The following STAP1 variants were observed in gnomAD, a reference collection of about 807,000 sequenced individuals.
The protein encoded by STAP1 is signal-transducing adaptor protein 1.
STAP1 carries 30 observed loss-of-function variants against 37.8 expected under a neutral mutation model. The ratio of observed to expected loss-of-function variants is 0.79; its 90% CI spans 0.59 to 1.08. STAP1 has a LOEUF of 1.08. Among genes scored for constraint, STAP1 ranks in the 50% least tolerant of loss-of-function variants. The pLI, the probability that STAP1 is intolerant of heterozygous loss-of-function variation, is 0.00. For synonymous variants in STAP1, 130 were observed against 116.0 expected, an observed-to-expected ratio of 1.12 and a Z score of -0.78; for missense variants, 357 against 349.4, an observed-to-expected ratio of 1.02 and a Z score of -0.17.
intron 8 of STAP1, among the ~76,000 whole-genome samples, chr4:67,603,505 C>A (rs1165636686): frequency 1.3e-5 from 2 of 152,144 alleles, no homozygotes; most frequent in Non-Finnish European, 2.9e-5. Context: ...GCCAGCACAG[C>A]TCTGGGTCTC....
rs142597023 is a variant in STAP1, at chr4:67,589,575, T to C, written c.660-1309T>C. Among the ~76,000 whole-genome samples the C allele has an allele frequency of 5.0e-3, 768 of 152,344 alleles. 7 individuals carry two copies. The highest frequency in any genetic ancestry group is 0.018 in the African/African-American group (749 of 41,584). On this transcript the variant is annotated intron_variant, in intron 6 of 8. Transcript: ENST00000265404. ...ACACTTTTGTTTTAGACAGCTTCTG[T>C]ACATAGGACAAATGCTTAATTAGTG...
Position 67,606,279 on chromosome 4 carries a change from C to T in STAP1, c.827-17C>T. 6.3e-7 allele frequency: 1 copy of T among 1,597,238 alleles called. No individual in the cohort carries two copies. On this transcript the variant is annotated splice_polypyrimidine_tract_variant and intron_variant, in intron 8 of 8. Coordinates refer to ENST00000265404, the MANE Select transcript of STAP1 (RefSeq NM_012108.4). ...ATATTGGTTCGCTAATTAAGTTTTT[C>T]TACCCACAATTTCTAGGTCAAGAAC... is the stretch of plus-strand genomic sequence containing the variant.
Position 67,582,893 on chromosome 4 carries a change from G to GTCC in STAP1, c.531-680_531-679insCCT, listed in dbSNP as rs1396114550. On this transcript the variant is annotated intron_variant, in intron 5 of 8. Coordinates refer to ENST00000265404, the MANE Select transcript of STAP1 (RefSeq NM_012108.4). ...TGATTTTGCTCATCAATAGGCTAAT[G>GTCC]TAAGTGTTCTAAGCATTTTTAAGGT... Among the ~76,000 whole-genome samples, 3 of 152,250 alleles carry GTCC rather than the reference G, an allele frequency of 2.0e-5. No individual in the cohort carries two copies. The East Asian group carries it at 5.8e-4, about 29-fold the overall frequency.
intron 8 of STAP1, among the ~76,000 whole-genome samples, chr4:67,600,093 GTTGT>G (rs1728308655): frequency 1.3e-5 from 2 of 151,882 alleles, no homozygotes; most frequent in Non-Finnish European, 2.9e-5. Flanking sequence ...GCATCATTAG[GTTGT>G]TTATTTGAAA....
chr4:67,601,680 G>T (rs1191986730), intron 8 of STAP1, among the ~76,000 whole-genome samples: 2 of 152,088 alleles, frequency 1.3e-5, no homozygotes, highest in Non-Finnish European at 2.9e-5. Flanking sequence ...ATGCTCCCCT[G>T]GCCTGTAAGG....
At chr4:67,559,380 T>C (rs1727283438) in intron 1 of STAP1, among the ~76,000 whole-genome samples, 1 of 152,114 alleles carries the variant, frequency 6.6e-6, no homozygotes. Flanking sequence ...GATCAAATTA[T>C]TAAAAATGGC....
intron 6 of STAP1, among the ~76,000 whole-genome samples, chr4:67,585,113 A>C (rs1578030939): frequency 6.6e-6 from 1 of 152,240 alleles, no homozygotes; most frequent in Non-Finnish European, 1.5e-5. Flanking sequence ...AACTGATAAT[A>C]TAATTTAAAT....
chr4:67,588,576 A>AT (rs974199966), intron 6 of STAP1, among the ~76,000 whole-genome samples: 78 of 151,816 alleles, frequency 5.1e-4, no homozygotes, highest in African/African-American at 1.9e-3. Context: ...CGCCCGGCTA[A>AT]TTTTTTGTAT....
At chr4:67,574,877 C>A (rs1266646126) in intron 2 of STAP1, among the ~76,000 whole-genome samples, 1 of 152,096 alleles carries the variant, frequency 6.6e-6, no homozygotes, top group East Asian at 1.9e-4. Context: ...TACCAATTTG[C>A]ATGGTGTAAA....
At chr4:67,562,296 C>G (rs1339783965) in intron 1 of STAP1, among the ~76,000 whole-genome samples, 4 of 151,288 alleles carry the variant, frequency 2.6e-5, no homozygotes, top group African/African-American at 9.7e-5. Flanking sequence ...GAGTCAAGAT[C>G]GTGCCACTGC....
Position 67,558,942 on chromosome 4 carries a change from A to G in STAP1, c.120+13A>G. On this transcript the variant is annotated intron_variant, in intron 1 of 8. Transcript: ENST00000265404. Reference sequence around the variant, plus strand: ...GTCAGGATACCGGGTGAGTCTATAGATGATAATGTTAAACCTAAGACTTCT... The same window carrying G: ...GTCAGGATACCGGGTGAGTCTATAGGTGATAATGTTAAACCTAAGACTTCT... The G allele has an allele frequency of 1.9e-6, 3 of 1,591,218 alleles. No individual in the cohort carries two copies. Among genetic ancestry groups the G allele is most frequent in the Non-Finnish European group, 2.6e-6 (3 of 1,169,060 alleles).
intron 1 of STAP1, among the ~76,000 whole-genome samples, chr4:67,563,669 C>T (rs1254256365): frequency 2.0e-5 from 3 of 152,292 alleles, no homozygotes; most frequent in Admixed American, 1.3e-4. Flanking sequence ...CATCACTGCA[C>T]CCCAGCCTGA....
At chr4:67,559,077 T>C in intron 1 of STAP1, 148 bp downstream of exon 1, 1 of 767,994 alleles carries the variant, frequency 1.3e-6, no homozygotes, top group Non-Finnish European at 1.8e-6. Context: ...GATTCCAATT[T>C]TTCATAATTT....
At chr4:67,561,013 A>G (rs1209752868) in intron 1 of STAP1, among the ~76,000 whole-genome samples, 2 of 152,154 alleles carry the variant, frequency 1.3e-5, no homozygotes, top group Non-Finnish European at 2.9e-5. Flanking sequence ...ATACCTACTT[A>G]TGTGGTGGTT....
At chr4:67,564,400 C>G (rs528836330) in intron 1 of STAP1, among the ~76,000 whole-genome samples, 2 of 152,184 alleles carry the variant, frequency 1.3e-5, no homozygotes, top group African/African-American at 4.8e-5. Context: ...GACTGAACAC[C>G]TCTACAATTT....
intron 1 of STAP1, among the ~76,000 whole-genome samples, chr4:67,566,928 G>A (rs997797114): frequency 6.6e-5 from 10 of 152,072 alleles, no homozygotes; most frequent in Non-Finnish European, 8.8e-5. Context: ...CCAAGATCAC[G>A]TCACTGCACT....
intron 4 of STAP1, 123 bp downstream of exon 4, chr4:67,577,382 A>T: frequency 2.9e-6 from 2 of 691,844 alleles, no homozygotes; most frequent in Non-Finnish European, 4.5e-6. Context: ...ATAGACCTAA[A>T]CTCTTGCACT....
chr4:67,595,561 C>A (rs1728206659), intron 8 of STAP1, among the ~76,000 whole-genome samples: 1 of 152,060 alleles, frequency 6.6e-6, no homozygotes, highest in South Asian at 2.1e-4. Context: ...ATAAATGCTT[C>A]TCCATTGAAT....
intron 2 of STAP1, among the ~76,000 whole-genome samples, chr4:67,571,521 A>C (rs756358946): frequency 1.3e-5 from 2 of 152,172 alleles, no homozygotes; most frequent in Non-Finnish European, 2.9e-5. Context: ...TGCAGTTATA[A>C]TTGGAAAGGA....
Sources: gnomAD v4.1 joint callset for allele counts (sites outside exome capture counted in the v4.1 genomes callset) on GRCh38, gnomAD v4.1.1 for gene constraint, MANE v1.5 for transcripts, NCBI Gene and HGNC (gene_info 2026-07-23, HGNC 2026-07-21) for gene names.